Variants in CSGALNACT1 observed in about 807,000 individuals in gnomAD.
CSGALNACT1 encodes the protein chondroitin sulfate N-acetylgalactosaminyltransferase 1, also known as beta4GalNAcT-1.
In CSGALNACT1, 52 loss-of-function variants were observed where a neutral mutation model predicts 51.0. The observed-to-expected ratio is 1.02, with a 90% CI of 0.82 to 1.29. The LOEUF is 1.29. CSGALNACT1 is among the 50% of genes most tolerant of loss of function. The probability of loss-of-function intolerance (pLI) is 0.00; values close to 1 mark genes in which losing one functional copy is unlikely to be tolerated. For missense variants in CSGALNACT1, 935 were observed against 679.2 expected (o/e 1.38, Z -4.19); for synonymous variants, 341 against 254.4 (o/e 1.34, Z -3.24).
intron 1 of CSGALNACT1, among the ~76,000 whole-genome samples, chr8:19,714,113 C>A (rs2062667321): frequency 6.6e-6 from 1 of 152,190 alleles, no homozygotes; most frequent in Non-Finnish European, 1.5e-5. Flanking sequence ...CTTTCAAAGG[C>A]TAATTTTCTC....
chr8:19,727,725 T>C (rs1009129434), intron 1 of CSGALNACT1, among the ~76,000 whole-genome samples: 2 of 152,128 alleles, frequency 1.3e-5, no homozygotes, highest in Non-Finnish European at 2.9e-5. Context: ...GTCCTCCCTT[T>C]TTCCCTAACA....
chr8:19,609,733 G>C (rs1297387944), intron 1 of CSGALNACT1, among the ~76,000 whole-genome samples: 1 of 152,028 alleles, frequency 6.6e-6, no homozygotes, highest in Non-Finnish European at 1.5e-5. Flanking sequence ...AACCTTTTCT[G>C]GGGATGTATA....
intron 1 of CSGALNACT1, among the ~76,000 whole-genome samples, chr8:19,682,202 T>C (rs2060668583): frequency 6.6e-6 from 1 of 152,250 alleles, no homozygotes; most frequent in East Asian, 1.9e-4. Flanking sequence ...AACAGCTACT[T>C]AGACACATGG....
At position 19,752,074 on chromosome 8, in the gene CSGALNACT1, TATG is replaced by T. The variant is rs1554475612; in HGVS notation, c.-297+5773_-297+5775del. Reference sequence around the variant, plus strand: ...TATATAACAATATATTTTTATATGATATGATGATGATGATAAATGATATACATT... The same window carrying T: ...TATATAACAATATATTTTTATATGATATGATGATGATAAATGATATACATT... On this transcript the variant is annotated intron_variant, in intron 1 of 1. Coordinates refer to the CSGALNACT1 transcript ENST00000517494. Among the ~76,000 whole-genome samples, 186 of 67,512 alleles carry T rather than the reference TATG, an allele frequency of 2.8e-3. 1 individual carries two copies. The highest frequency in any genetic ancestry group is 4.6e-3 in the Non-Finnish European group (164 of 35,630). The allele number at this position is 67,512 out of a possible 152,430, so 44.3% of individuals were successfully genotyped here.
At chr8:19,693,007 T>C (rs1194951516) in intron 1 of CSGALNACT1, among the ~76,000 whole-genome samples, 1 of 152,192 alleles carries the variant, frequency 6.6e-6, no homozygotes, top group Non-Finnish European at 1.5e-5. Context: ...CATGATGCCA[T>C]CAGCCCCCAT....
intron 4 of CSGALNACT1, among the ~76,000 whole-genome samples, chr8:19,459,904 T>G (rs2065001332): frequency 6.6e-6 from 1 of 152,184 alleles, no homozygotes; most frequent in Non-Finnish European, 1.5e-5. Flanking sequence ...TCACTGTGGC[T>G]GAAACTCCAC....
chr8:19,670,591 C>T (rs527415720), intron 1 of CSGALNACT1, among the ~76,000 whole-genome samples: 91 of 133,252 alleles, frequency 6.8e-4, no homozygotes, highest in African/African-American at 2.6e-3. Context: ...AAGGATCAAC[C>T]GACTAATAAG....
chr8:19,584,875 A>G (rs6586847), intron 3 of CSGALNACT1, among the ~76,000 whole-genome samples: 55,747 of 151,982 alleles, frequency 0.37, 12,009 homozygotes, highest in African/African-American at 0.61. Context: ...ACTCTGAAGC[A>G]AGGGATGGTG....
At position 19,569,100 on chromosome 8, in the gene CSGALNACT1, G is replaced by A. The variant is rs563313889; in HGVS notation, c.-297+22060C>T. 9.7e-4 allele frequency among the ~76,000 whole-genome samples: 147 copies of A among 152,212 alleles called. 1 individual carries two copies. The highest frequency in any genetic ancestry group is 7.9e-4 in the Non-Finnish European group (54 of 68,030). ...TTCTGATAATGTAGAAAAGAAATGAGAGAGCTTTTAAGGAGACAGATATGG... is the reference window on the plus strand; with the variant it reads ...TTCTGATAATGTAGAAAAGAAATGAAAGAGCTTTTAAGGAGACAGATATGG... On this transcript the variant is annotated intron_variant, in intron 3 of 9. Coordinates refer to ENST00000454498, the Ensembl canonical transcript of CSGALNACT1.
At chr8:19,421,443 G>C (rs1256942026) in intron 6 of CSGALNACT1, among the ~76,000 whole-genome samples, 2 of 152,192 alleles carry the variant, frequency 1.3e-5, no homozygotes, top group African/African-American at 2.4e-5. Context: ...TCTTCTACCA[G>C]ATAATACTAG....
At chr8:19,658,913 G>C (rs2058527085) in intron 1 of CSGALNACT1, among the ~76,000 whole-genome samples, 1 of 152,140 alleles carries the variant, frequency 6.6e-6, no homozygotes, top group South Asian at 2.1e-4. Flanking sequence ...AAGTTAAATA[G>C]GTCTTTGGGG....
chr8:19,563,241 C>T (rs1235742425), intron 3 of CSGALNACT1, among the ~76,000 whole-genome samples: 1 of 151,972 alleles, frequency 6.6e-6, no homozygotes, highest in Non-Finnish European at 1.5e-5. Flanking sequence ...AACATATGGA[C>T]ACAGGGAGGG....
At chr8:19,413,848 G>T (rs1209616840) in intron 8 of CSGALNACT1, among the ~76,000 whole-genome samples, 1 of 152,216 alleles carries the variant, frequency 6.6e-6, no homozygotes, top group Non-Finnish European at 1.5e-5. Context: ...GGGAGACTGA[G>T]CAGGTGTGCT....
intron 3 of CSGALNACT1, among the ~76,000 whole-genome samples, chr8:19,521,495 C>T (rs1481631511): frequency 6.6e-6 from 1 of 152,096 alleles, no homozygotes; most frequent in East Asian, 1.9e-4. Context: ...ACAGCCTGGC[C>T]AACATGGTAG....
intron 1 of CSGALNACT1, among the ~76,000 whole-genome samples, chr8:19,687,685 C>T (rs964121724): frequency 6.6e-5 from 10 of 152,166 alleles, no homozygotes; most frequent in South Asian, 2.1e-4. Context: ...AGAAATGAAA[C>T]TCCATTCACC....
intron 1 of CSGALNACT1, among the ~76,000 whole-genome samples, chr8:19,701,266 G>A (rs908184362): frequency 6.8e-5 from 10 of 146,122 alleles, no homozygotes; most frequent in African/African-American, 1.8e-4. Context: ...AGTAATTCTC[G>A]TGCCTCAGCC....
At chr8:19,675,733 C>G (rs1330103085) in intron 1 of CSGALNACT1, among the ~76,000 whole-genome samples, 1 of 152,098 alleles carries the variant, frequency 6.6e-6, no homozygotes, top group East Asian at 1.9e-4. Flanking sequence ...ACCTCGTGAT[C>G]CACCTCAGCC....
intron 1 of CSGALNACT1, among the ~76,000 whole-genome samples, chr8:19,706,625 T>C (rs921346355): frequency 6.6e-6 from 1 of 152,058 alleles, no homozygotes; most frequent in Non-Finnish European, 1.5e-5. Flanking sequence ...CAATAATAAA[T>C]GTTGGCAGTG....
Position 19,628,164 on chromosome 8 carries a change from C to T in CSGALNACT1, c.-543-26299G>A, listed in dbSNP as rs376307301. Among the ~76,000 whole-genome samples, 27 of 152,166 alleles carry T rather than the reference C, an allele frequency of 1.8e-4. No individual in the cohort carries two copies. In the East Asian group the frequency reaches 3.1e-3, roughly 17 times the overall value. On this transcript the variant is annotated intron_variant, in intron 1 of 9. Transcript: ENST00000332246. ...ATACTGTTGTATTAGTCAGTTCTCACACTGCTATAAAGATACTACCCAAGA... is the reference window on the plus strand; with the variant it reads ...ATACTGTTGTATTAGTCAGTTCTCATACTGCTATAAAGATACTACCCAAGA...
Sources: gnomAD v4.1 joint callset for allele counts (sites outside exome capture counted in the v4.1 genomes callset) on GRCh38, gnomAD v4.1.1 for gene constraint, MANE v1.5 for transcripts, NCBI Gene and HGNC (gene_info 2026-07-23, HGNC 2026-07-21) for gene names.